Variants in MSN observed in about 807,000 individuals in gnomAD.
MSN encodes moesin.
A neutral mutation model predicts 48.0 loss-of-function variants in MSN; 2 were observed. The ratio of observed to expected loss-of-function variants is 0.04; its 90% CI spans 0.02 to 0.13. The LOEUF is 0.13. MSN is among the 10% of genes least tolerant of loss of function. The pLI, the probability that MSN is intolerant of heterozygous loss-of-function variation, is 1.00. For missense variants in MSN, 267 were observed against 470.1 expected (o/e 0.57, Z 3.99); for synonymous variants, 146 against 166.9 (o/e 0.87, Z 0.97).
intron 1 of MSN, among the ~76,000 whole-genome samples, chrX:65,640,438 G>A (rs1372668951): frequency 2.7e-5 from 3 of 111,878 alleles, no homozygotes; most frequent in South Asian, 3.7e-4. Flanking sequence ...CCAGCTACTC[G>A]GGAGGCTAAT....
intron 1 of MSN, among the ~76,000 whole-genome samples, chrX:65,658,645 T>C (rs901032635): frequency 9.0e-6 from 1 of 110,985 alleles, no homozygotes; most frequent in African/African-American, 3.3e-5. Context: ...TTGCCTCCTC[T>C]GCACTGCACT....
chrX:65,706,521 C>T (rs775247071), intron 1 of MSN, among the ~76,000 whole-genome samples: 89 of 112,067 alleles, frequency 7.9e-4, no homozygotes, highest in Non-Finnish European at 1.2e-3. Flanking sequence ...ACTGGGCTGA[C>T]TCACAACCTC....
chrX:65,630,080 G>A (rs181214763), intron 1 of MSN, among the ~76,000 whole-genome samples: 129 of 110,580 alleles, frequency 1.2e-3, no homozygotes, highest in African/African-American at 4.1e-3. Flanking sequence ...TCGGGAGGCT[G>A]AGGTTCAAGA....
At chrX:65,600,539 G>C (rs977358209) in intron 1 of MSN, 1 of 112,058 alleles carries the variant, frequency 8.9e-6, no homozygotes, top group Non-Finnish European at 1.9e-5. Flanking sequence ...ATTCCGAATT[G>C]CCTGTGCTCT....
intron 1 of MSN, among the ~76,000 whole-genome samples, chrX:65,602,981 G>A (rs1052056590): frequency 2.7e-5 from 3 of 111,708 alleles, no homozygotes; most frequent in East Asian, 2.8e-4. Flanking sequence ...GGGAAACAAC[G>A]TGCTCAAGGT....
chrX:65,619,950 TGTTGGAGTACCCGGCC>T (rs1393679182), intron 1 of MSN, among the ~76,000 whole-genome samples: 91 of 111,147 alleles, frequency 8.2e-4, no homozygotes, highest in African/African-American at 2.9e-3. Context: ...GCTGCAGGTC[TGTTGGAGTACCCGGCC>T]GTGTGAGGTG....
chrX:65,726,346 T>C (rs928642511), intron 2 of MSN, among the ~76,000 whole-genome samples: 4 of 111,957 alleles, frequency 3.6e-5, no homozygotes, highest in African/African-American at 1.3e-4. Flanking sequence ...ATCATGGTTC[T>C]ATATGGCTCT....
intron 1 of MSN, among the ~76,000 whole-genome samples, chrX:65,599,632 T>A (rs1366929717): frequency 1.8e-5 from 2 of 112,103 alleles, no homozygotes; most frequent in Non-Finnish European, 3.8e-5. Flanking sequence ...GACTCCATCT[T>A]AAAAAATAAT....
At chrX:65,735,810 C>T (rs1350630520) in intron 8 of MSN, among the ~76,000 whole-genome samples, 11 of 111,463 alleles carry the variant, frequency 9.9e-5, no homozygotes, top group Non-Finnish European at 2.1e-4. Context: ...GGGGAGGAGA[C>T]GAACATAATA....
chrX:65,710,513 T>C (rs1453516736), intron 1 of MSN, among the ~76,000 whole-genome samples: 2 of 111,347 alleles, frequency 1.8e-5, no homozygotes, highest in African/African-American at 6.5e-5. Flanking sequence ...ATTTGTTTTT[T>C]ACCAACCTCT....
intron 1 of MSN, among the ~76,000 whole-genome samples, chrX:65,673,459 CT>C (rs535119692): frequency 0.013 from 1,330 of 99,407 alleles, 17 homozygotes; most frequent in African/African-American, 0.04. Flanking sequence ...TGGGGTACAG[CT>C]TTTTTTTTTT....
chrX:65,682,813 T>G (rs1018145465), intron 1 of MSN, among the ~76,000 whole-genome samples: 2 of 112,500 alleles, frequency 1.8e-5, no homozygotes, highest in Non-Finnish European at 3.8e-5. Context: ...ATCTACCAGA[T>G]AGCCAAACAA....
At chrX:65,693,202 A>T (rs1312556440) in intron 1 of MSN, among the ~76,000 whole-genome samples, 1 of 111,677 alleles carries the variant, frequency 9.0e-6, no homozygotes, top group Non-Finnish European at 1.9e-5. Context: ...CCTTCCATGT[A>T]TACATGGGGT....
intron 7 of MSN, 72 bp downstream of exon 7, chrX:65,733,352 A>AT (rs1396920291): frequency 1.2e-6 from 1 of 845,616 alleles, no homozygotes; most frequent in African/African-American, 2.0e-5. Context: ...ATGCTATTCT[A>AT]TTTTTCTCTT....
chrX:65,651,522 A>G (rs933500702), intron 1 of MSN, among the ~76,000 whole-genome samples: 1 of 106,813 alleles, frequency 9.4e-6, no homozygotes, highest in African/African-American at 3.4e-5. Context: ...TGGGGGATGT[A>G]TTCTATTTTA....
In MSN at chrX:65,623,428, G is replaced by A. The variant is rs34059973; in HGVS notation, c.-22+34816G>A. 8.1e-4 allele frequency among the ~76,000 whole-genome samples: 82 copies of A among 101,842 alleles called. 3 individuals are homozygous for A. The highest frequency in any genetic ancestry group is 2.8e-3 in the African/African-American group (75 of 26,630). The allele number at this position is 101,842 out of a possible 115,157, so 88.4% of individuals were successfully genotyped here. Reference sequence around the variant, plus strand: ...TGGCTTTAGTATCAGGTTAATTCTGGCCTCAAATAATGAGTTATAAAGTAT... The same window carrying A: ...TGGCTTTAGTATCAGGTTAATTCTGACCTCAAATAATGAGTTATAAAGTAT... On this transcript the variant is annotated intron_variant, in intron 1 of 3. Transcript: ENST00000609672.
intron 1 of MSN, among the ~76,000 whole-genome samples, chrX:65,615,925 G>T (rs1389175438): frequency 4.5e-5 from 5 of 110,923 alleles, no homozygotes; most frequent in African/African-American, 6.6e-5. Context: ...TCTACATATG[G>T]CTAGCCAGTT....
intron 6 of MSN, 119 bp downstream of exon 6, chrX:65,732,103 A>T: frequency 1.3e-6 from 1 of 763,469 alleles, no homozygotes; most frequent in Non-Finnish European, 1.8e-6. Flanking sequence ...TACCTAATTT[A>T]GTCCAGCCCA....
intron 1 of MSN, among the ~76,000 whole-genome samples, chrX:65,620,063 G>A (rs372715526): frequency 1.2e-4 from 13 of 109,068 alleles, no homozygotes; most frequent in East Asian, 2.9e-4. Context: ...CAATCTGCCC[G>A]TTCTCAGATC....
Sources: allele counts gnomAD v4.1 joint callset (sites outside exome capture counted in the v4.1 genomes callset), GRCh38; gene constraint gnomAD v4.1.1; transcripts MANE v1.5; gene names NCBI Gene and HGNC (gene_info 2026-07-23, HGNC 2026-07-21).